Variants in ZNF804B observed in about 807,000 individuals in gnomAD.
ZNF804B encodes zinc finger protein 804B.
A neutral mutation model predicts 101.4 loss-of-function variants in ZNF804B; 80 were observed. That is an observed-to-expected ratio of 0.79 (90% CI 0.66 to 0.95). The LOEUF (loss-of-function observed/expected upper bound fraction) is 0.95, where lower values mean the gene tolerates loss of function less well. Among genes scored for constraint, ZNF804B ranks in the 40% least tolerant of loss-of-function variants. ZNF804B has a pLI of 0.00. For synonymous variants in ZNF804B, 622 were observed against 558.8 expected, an observed-to-expected ratio of 1.11 and a Z score of -1.59; for missense variants, 1,673 against 1,561.9, an observed-to-expected ratio of 1.07 and a Z score of -1.20.
chr7:89,142,630 G>T (rs1438901794), intron 1 of ZNF804B, among the ~76,000 whole-genome samples: 1 of 151,918 alleles, frequency 6.6e-6, no homozygotes, highest in Non-Finnish European at 1.5e-5. Context: ...TCCATTAAAA[G>T]CTCTACTGTT....
At chr7:89,034,195 G>A (rs1213652198) in intron 1 of ZNF804B, among the ~76,000 whole-genome samples, 3 of 152,070 alleles carry the variant, frequency 2.0e-5, no homozygotes, top group Non-Finnish European at 4.4e-5. Context: ...GGAGATTATA[G>A]GTTAATAAAG....
At chr7:88,994,902 A>C (rs553560746) in intron 1 of ZNF804B, among the ~76,000 whole-genome samples, 1 of 152,220 alleles carries the variant, frequency 6.6e-6, no homozygotes, top group Non-Finnish European at 1.5e-5. Context: ...ATCAACCATA[A>C]AAATTAATTC....
At chr7:89,132,060 A>G (rs1790556467) in intron 1 of ZNF804B, among the ~76,000 whole-genome samples, 1 of 151,942 alleles carries the variant, frequency 6.6e-6, no homozygotes, top group Non-Finnish European at 1.5e-5. Context: ...TTATTGAAAT[A>G]AACTCAATAC....
chr7:89,111,427 T>C lies in ZNF804B; in HGVS notation c.109-106728T>C, dbSNP rs1790215963. Among the ~76,000 whole-genome samples the C allele has an allele frequency of 2.5e-5, 3 of 121,494 alleles. No individual in the cohort carries two copies. The South Asian group carries it at 7.6e-4, about 31-fold the overall frequency. 79.7% of individuals were successfully genotyped at this position (121,494 alleles called of 152,430 possible). A position where few individuals can be genotyped will look rare whatever the true frequency, so the allele number is the denominator to read the frequency against. On this transcript the variant is annotated intron_variant, in intron 1 of 3. Coordinates refer to ENST00000333190, the MANE Select transcript of ZNF804B (RefSeq NM_181646.5). Reference sequence around the variant, plus strand: ...GTGTTCTGGATTCTAGCCATTCTAGTAGGTGTGTAGTATTGCCTTGTTGTT... The same window carrying C: ...GTGTTCTGGATTCTAGCCATTCTAGCAGGTGTGTAGTATTGCCTTGTTGTT...
intron 1 of ZNF804B, among the ~76,000 whole-genome samples, chr7:89,080,151 C>T (rs944445317): frequency 3.3e-5 from 5 of 151,724 alleles, no homozygotes; most frequent in Non-Finnish European, 5.9e-5. Context: ...TGGACCAGGG[C>T]AGTGGTGGTG....
intron 1 of ZNF804B, among the ~76,000 whole-genome samples, chr7:88,837,905 A>G (rs1042957641): frequency 4.0e-5 from 6 of 151,796 alleles, no homozygotes; most frequent in African/African-American, 1.4e-4. Flanking sequence ...AAGAAAATAT[A>G]TTTACTTTCT....
At chr7:88,840,777 A>G (rs765178466) in intron 1 of ZNF804B, among the ~76,000 whole-genome samples, 1 of 152,166 alleles carries the variant, frequency 6.6e-6, no homozygotes, top group Non-Finnish European at 1.5e-5. Context: ...ATAAAGTGTT[A>G]TGAGGTGTGA....
At chr7:88,813,199 G>T (rs994087726) in intron 1 of ZNF804B, among the ~76,000 whole-genome samples, 1 of 151,892 alleles carries the variant, frequency 6.6e-6, no homozygotes, top group Non-Finnish European at 1.5e-5. Flanking sequence ...ATGCTTAGGC[G>T]GTTGGATCAT....
intron 1 of ZNF804B, among the ~76,000 whole-genome samples, chr7:89,061,984 G>C (rs924118859): frequency 5.9e-5 from 9 of 151,922 alleles, no homozygotes; most frequent in African/African-American, 2.2e-4. Flanking sequence ...ATTCCTAGGG[G>C]GTCAGTTATT....
chr7:89,151,588 C>A (rs1300832337), intron 1 of ZNF804B, among the ~76,000 whole-genome samples: 1 of 151,746 alleles, frequency 6.6e-6, no homozygotes, highest in Non-Finnish European at 1.5e-5. Flanking sequence ...GTGTTTCTGG[C>A]TACAGAATGA....
intron 1 of ZNF804B, among the ~76,000 whole-genome samples, chr7:88,809,571 T>A (rs1790749649): frequency 6.6e-6 from 1 of 152,232 alleles, no homozygotes; most frequent in Non-Finnish European, 1.5e-5. Flanking sequence ...TAATAATTTA[T>A]AAATTGATTT....
chr7:88,963,334 A>C (rs1793413918), intron 1 of ZNF804B, among the ~76,000 whole-genome samples: 1 of 151,364 alleles, frequency 6.6e-6, no homozygotes, highest in Admixed American at 6.6e-5. Context: ...CACCCATGGA[A>C]TAGAACAGAG....
At chr7:88,945,429 T>A (rs977808815) in intron 1 of ZNF804B, among the ~76,000 whole-genome samples, 1 of 152,082 alleles carries the variant, frequency 6.6e-6, no homozygotes, top group South Asian at 2.1e-4. Context: ...CAGGACTCTG[T>A]TCTTTTTCCA....
rs75123574 is a variant in ZNF804B, at chr7:89,102,470, C to T, written c.109-115685C>T. Among the ~76,000 whole-genome samples, 1,448 of 151,766 alleles carry T rather than the reference C, an allele frequency of 9.5e-3. 35 individuals carry two copies. The highest frequency in any genetic ancestry group is 0.032 in the African/African-American group (1,341 of 41,434). ...AGCGTTTTTTCATGTGTTTGTTGGT[C>T]GCTTGTGTTTCTTCTTTTGAGAAAT... On this transcript the variant is annotated intron_variant, in intron 1 of 3. Transcript: ENST00000333190.
chr7:88,972,964 T>C (rs1323032016), intron 1 of ZNF804B, among the ~76,000 whole-genome samples: 1 of 151,520 alleles, frequency 6.6e-6, no homozygotes, highest in South Asian at 2.1e-4. Context: ...ATACTATTCT[T>C]ATTTCATGAT....
intron 1 of ZNF804B, among the ~76,000 whole-genome samples, chr7:88,919,643 T>C (rs980691853): frequency 3.2e-4 from 48 of 152,274 alleles, no homozygotes; most frequent in Middle Eastern, 3.4e-3. Context: ...CTGATTAAAG[T>C]GGTTTTAGTA....
chr7:88,784,613 A>C (rs1194153641), intron 1 of ZNF804B, among the ~76,000 whole-genome samples: 2 of 152,122 alleles, frequency 1.3e-5, no homozygotes, highest in African/African-American at 4.8e-5. Context: ...TATACTCCGC[A>C]CATTCACTGC....
intron 1 of ZNF804B, among the ~76,000 whole-genome samples, chr7:88,831,424 C>A (rs1791130697): frequency 1.3e-5 from 2 of 151,722 alleles, no homozygotes; most frequent in Admixed American, 1.3e-4. Flanking sequence ...TTGGTTGTTT[C>A]CAAATTTAAC....
intron 1 of ZNF804B, among the ~76,000 whole-genome samples, chr7:88,905,905 T>C (rs1456794562): frequency 6.6e-6 from 1 of 151,236 alleles, no homozygotes; most frequent in Non-Finnish European, 1.5e-5. Flanking sequence ...CTTTTTTTTT[T>C]TTTTTTGGGG....
Sources: allele counts gnomAD v4.1 joint callset (sites outside exome capture counted in the v4.1 genomes callset), GRCh38; gene constraint gnomAD v4.1.1; transcripts MANE v1.5; gene names NCBI Gene and HGNC (gene_info 2026-07-23, HGNC 2026-07-21).